CSTPP1: variants seen among roughly 807,000 people sequenced by gnomAD.
The protein encoded by CSTPP1 is UPF0705 protein C11orf49.
the CSTPP1 span, among the ~76,000 whole-genome samples, chr11:47,048,360 C>A: frequency 6.6e-6 from 1 of 152,158 alleles, no homozygotes; most frequent in Admixed American, 6.6e-5. Context: ...TGGCTTACAC[C>A]TGTAATCCCA....
chr11:47,002,021 A>G, the CSTPP1 span, among the ~76,000 whole-genome samples: 1 of 152,168 alleles, frequency 6.6e-6, no homozygotes, highest in Non-Finnish European at 1.5e-5. Context: ...TGGTAAAGTA[A>G]TGGTGACTAA....
the CSTPP1 span, among the ~76,000 whole-genome samples, chr11:47,143,439 G>A: frequency 4.6e-5 from 7 of 152,332 alleles, no homozygotes; most frequent in South Asian, 2.1e-4. Flanking sequence ...TGATGTGTGC[G>A]TAAAAGAATG....
At chr11:47,161,430 T>C in the CSTPP1 span, 1 of 1,611,622 alleles carries the variant, frequency 6.2e-7, no homozygotes, top group Non-Finnish European at 8.5e-7. Context: ...ACAGGAGGCC[T>C]CTCGCTGCCC....
chr11:47,097,634 GGGGTCGGCCCCCCGCCCGGCC>G, the CSTPP1 span, among the ~76,000 whole-genome samples: 1 of 117,114 alleles, frequency 8.5e-6, no homozygotes. Context: ...GGGAGGTGGG[GGGGTCGGCCCCCCGCCCGGCC>G]AGCCGCCCCG....
At chr11:46,936,870 T>G in the CSTPP1 span, 1 of 1,562,880 alleles carries the variant, frequency 6.4e-7, no homozygotes, top group Non-Finnish European at 8.7e-7. Context: ...CCCCTTTAAC[T>G]TTGGGGAGGG....
At chr11:46,947,136 A>T in the CSTPP1 span, among the ~76,000 whole-genome samples, 2 of 152,242 alleles carry the variant, frequency 1.3e-5, no homozygotes, top group South Asian at 4.1e-4. Flanking sequence ...TAACATTAAA[A>T]TTTAATCCAT....
chr11:47,121,146 G>T, the CSTPP1 span, among the ~76,000 whole-genome samples: 1 of 152,092 alleles, frequency 6.6e-6, no homozygotes, highest in African/African-American at 2.4e-5. Context: ...TACCCTAAAT[G>T]TATCCAGATT....
chr11:47,112,424 C>T, the CSTPP1 span, among the ~76,000 whole-genome samples: 3 of 152,042 alleles, frequency 2.0e-5, no homozygotes, highest in Non-Finnish European at 4.4e-5. Flanking sequence ...TGGGTTCAAG[C>T]GATTCTCCTG....
the CSTPP1 span, among the ~76,000 whole-genome samples, chr11:47,025,893 TATAAA>T: frequency 9.8e-5 from 15 of 152,312 alleles, no homozygotes; most frequent in Non-Finnish European, 1.6e-4. Context: ...TTTAAAAAGT[TATAAA>T]AGAAAACAGA....
chr11:46,990,415 A>T, the CSTPP1 span, among the ~76,000 whole-genome samples: 21 of 152,176 alleles, frequency 1.4e-4, no homozygotes, highest in Non-Finnish European at 2.8e-4. Flanking sequence ...GCATTTTTTC[A>T]TATGTTTCTT....
chr11:46,964,927 C>T, the CSTPP1 span, among the ~76,000 whole-genome samples: 1 of 151,846 alleles, frequency 6.6e-6, no homozygotes, highest in Non-Finnish European at 1.5e-5. Context: ...AGGGAAGAAA[C>T]GTAACCATGT....
At chr11:46,960,292 G>A in the CSTPP1 span, among the ~76,000 whole-genome samples, 1 of 152,160 alleles carries the variant, frequency 6.6e-6, no homozygotes, top group East Asian at 1.9e-4. Context: ...TACTATGCAT[G>A]ACGCCACAAT....
chr11:47,118,092 C>G, the CSTPP1 span, among the ~76,000 whole-genome samples: 1 of 151,990 alleles, frequency 6.6e-6, no homozygotes, highest in Non-Finnish European at 1.5e-5. Context: ...GTTGGTCAAG[C>G]TGGTCTCAAA....
the CSTPP1 span, among the ~76,000 whole-genome samples, chr11:46,995,542 G>C: frequency 6.6e-6 from 1 of 152,196 alleles, no homozygotes; most frequent in Non-Finnish European, 1.5e-5. Context: ...GTACCCAGTA[G>C]TCATTCAGGA....
At chr11:47,052,476 C>T in the CSTPP1 span, 31 of 1,614,050 alleles carry the variant, frequency 1.9e-5, no homozygotes, top group East Asian at 1.8e-4. Flanking sequence ...ATCATTTTTA[C>T]GGGCCTTCTG....
At chr11:47,047,897 T>C in the CSTPP1 span, among the ~76,000 whole-genome samples, 1 of 152,180 alleles carries the variant, frequency 6.6e-6, no homozygotes, top group Non-Finnish European at 1.5e-5. Flanking sequence ...GGCCAACACA[T>C]GAAAAGATGC....
At chr11:46,965,302 T>A in the CSTPP1 span, among the ~76,000 whole-genome samples, 1 of 145,610 alleles carries the variant, frequency 6.9e-6, no homozygotes, top group Admixed American at 7.1e-5. Context: ...CTCGGGTAAC[T>A]CTACCTCCTC....
the CSTPP1 span, among the ~76,000 whole-genome samples, chr11:47,025,056 T>A: frequency 1.1e-4 from 17 of 152,184 alleles, no homozygotes; most frequent in African/African-American, 4.1e-4. Context: ...GTGCCTATAG[T>A]GCCCTTATTT....
At chr11:47,038,767 G>A in the CSTPP1 span, among the ~76,000 whole-genome samples, 1 of 110,946 alleles carries the variant, frequency 9.0e-6, no homozygotes, top group Non-Finnish European at 2.1e-5. Context: ...TGGGCGGAGG[G>A]GCTCCTCACT....
Sources: gnomAD v4.1 joint callset for allele counts (sites outside exome capture counted in the v4.1 genomes callset) on GRCh38, gnomAD v4.1.1 for gene constraint, MANE v1.5 for transcripts, NCBI Gene and HGNC (gene_info 2026-07-23, HGNC 2026-07-21) for gene names.